Variants in SOD2 observed in about 807,000 individuals in gnomAD.
SOD2 encodes superoxide dismutase 2, also known as superoxide dismutase [Mn], mitochondrial.
In SOD2, 11 loss-of-function variants were observed where a neutral mutation model predicts 27.0. That is an observed-to-expected ratio of 0.41 (90% CI 0.26 to 0.67). The LOEUF (loss-of-function observed/expected upper bound fraction) is 0.67. SOD2 is among the 30% of genes least tolerant of loss of function. SOD2 has a pLI of 0.34. For missense variants in SOD2, 250 were observed against 274.5 expected, an observed-to-expected ratio of 0.91 and a Z score of 0.63; for synonymous variants, 105 against 103.0, an observed-to-expected ratio of 1.02 and a Z score of -0.12.
intron 1 of SOD2, among the ~76,000 whole-genome samples, chr6:159,759,495 C>A (rs1261673431): frequency 6.6e-6 from 1 of 151,466 alleles, no homozygotes; most frequent in Non-Finnish European, 1.5e-5. Context: ...CATGGTGAAA[C>A]CCCGTCTTTA....
intron 1 of SOD2, among the ~76,000 whole-genome samples, chr6:159,732,902 T>TA (rs1234089708): frequency 3.3e-5 from 5 of 150,658 alleles, no homozygotes; most frequent in Non-Finnish European, 7.4e-5. Context: ...TGTGTGTGTG[T>TA]GTGTGTGTGT....
At chr6:159,693,694 C>T (rs5746088), upstream of SOD2, among the ~76,000 whole-genome samples, 5,648 of 152,344 alleles carry the variant, frequency 0.037, 276 homozygotes, top group African/African-American at 0.11. Context: ...TGCAAAAAGA[C>T]ATTCATACCC....
intron 2 of SOD2, 187 bp downstream of exon 2, chr6:159,692,474 C>G: frequency 6.9e-7 from 1 of 1,442,534 alleles, no homozygotes; most frequent in Admixed American, 2.9e-5. Context: ...TCAAACCCAT[C>G]GAGGCACTCC....
rs115082571 is a variant in SOD2 at position 159,683,686 on chromosome 6, G to A, written c.524-1048C>T. ...TTCTAATGTGCTTTCCACAGGGAGA[G>A]GAAGGAGTGTAGCTGGGACTCACTT... On this transcript the variant is annotated intron_variant, in intron 4 of 4. Coordinates refer to ENST00000538183, the MANE Select transcript of SOD2 (RefSeq NM_000636.4). Among the ~76,000 whole-genome samples the A allele has an allele frequency of 1.9e-3, 282 of 152,302 alleles. 1 individual carries two copies. Among genetic ancestry groups the A allele is most frequent in the African/African-American group, 6.7e-3 (278 of 41,568 alleles).
intron 1 of SOD2, chr6:159,713,018 G>C: frequency 1.6e-6 from 1 of 637,466 alleles, no homozygotes; most frequent in African/African-American, 1.8e-5. Context: ...TGCCCTACCA[G>C]TAAACTCTGT....
Position 159,678,894 on chromosome 6 carries a change from A to T in SOD2, c.*3599T>A, listed in dbSNP as rs796381667. ...GTAAAAGTATTGAGTGGTATGTGAC[A>T]ACAGCAAAAACACTTTGGTTTTGTC... On this transcript the variant is annotated 3_prime_UTR_variant, in exon 5 of 5. Transcript: ENST00000538183. The T allele has an allele frequency of 3.3e-5, 5 of 152,360 alleles. No homozygotes were observed. The highest frequency in any genetic ancestry group is 1.2e-4 in the African/African-American group (5 of 41,598). The allele number at this position is 152,360 out of a possible 1,614,324, so 9.4% of individuals were successfully genotyped here.
chr6:159,703,053 G>C (rs572375760), intron 1 of SOD2, among the ~76,000 whole-genome samples: 11 of 152,196 alleles, frequency 7.2e-5, no homozygotes, highest in Non-Finnish European at 1.5e-4. Context: ...GGTGGCTCAC[G>C]CCTGTAATCC....
exon 1 of SOD2, chr6:159,762,051 CA>C (rs1780147355): frequency 6.2e-7 from 1 of 1,609,220 alleles, no homozygotes; most frequent in African/African-American, 1.3e-5. Flanking sequence ...GCCTAGCTTG[CA>C]GGCAGCGCAG....
intron 4 of SOD2, 136 bp from the exon 5 acceptor site, chr6:159,682,774 T>C: frequency 1.3e-6 from 1 of 753,160 alleles, no homozygotes; most frequent in South Asian, 2.9e-5. Flanking sequence ...TTTTTTTATA[T>C]AAGTAGGAAA....
At chr6:159,719,718 T>C (rs999258401) in intron 1 of SOD2, among the ~76,000 whole-genome samples, 4 of 97,926 alleles carry the variant, frequency 4.1e-5, no homozygotes, top group African/African-American at 1.5e-4. Flanking sequence ...ATTATGGTTT[T>C]TTCTTTTATT....
At chr6:159,735,703 C>G (rs1485690906) in intron 1 of SOD2, among the ~76,000 whole-genome samples, 1 of 151,990 alleles carries the variant, frequency 6.6e-6, no homozygotes, top group East Asian at 1.9e-4. Flanking sequence ...GACCTGAGAT[C>G]GCGCCACTGC....
intron 1 of SOD2, among the ~76,000 whole-genome samples, chr6:159,724,242 T>C (rs991836795): frequency 2.6e-5 from 4 of 152,210 alleles, no homozygotes; most frequent in African/African-American, 9.6e-5. Context: ...TCCTCCCGCT[T>C]TGGCCTATCA....
At chr6:159,724,250 T>C (rs555040362) in intron 1 of SOD2, among the ~76,000 whole-genome samples, 5 of 152,276 alleles carry the variant, frequency 3.3e-5, no homozygotes, top group Admixed American at 2.0e-4. Context: ...CTTTGGCCTA[T>C]CAAAGTGCTG....
intron 1 of SOD2, chr6:159,755,013 C>A: frequency 6.3e-7 from 1 of 1,581,606 alleles, no homozygotes; most frequent in Non-Finnish European, 8.6e-7. Flanking sequence ...GTTGGTCTGA[C>A]TCTCCTTTGC....
At chr6:159,689,284 C>T (rs1562422631) in intron 2 of SOD2, among the ~76,000 whole-genome samples, 1 of 152,192 alleles carries the variant, frequency 6.6e-6, no homozygotes, top group South Asian at 2.1e-4. Context: ...TCCTTCAAGT[C>T]TCCACTGAAA....
intron 1 of SOD2, among the ~76,000 whole-genome samples, chr6:159,751,318 C>T (rs1779812286): frequency 6.6e-6 from 1 of 152,148 alleles, no homozygotes; most frequent in South Asian, 2.1e-4. Context: ...GGGGTTAAGT[C>T]AGGTCACAGA....
intron 1 of SOD2, among the ~76,000 whole-genome samples, chr6:159,752,596 C>T (rs1464603279): frequency 2.0e-5 from 3 of 152,246 alleles, no homozygotes; most frequent in Non-Finnish European, 4.4e-5. Flanking sequence ...AATTGTGATA[C>T]GTGACCACTG....
upstream of SOD2, chr6:159,748,306 A>G: frequency 6.2e-7 from 1 of 1,614,100 alleles, no homozygotes; most frequent in South Asian, 1.1e-5. The surrounding 1 kb of genome is among the most constrained non-coding windows in gnomAD (Gnocchi z 5.6). Flanking sequence ...GAACTGGAAC[A>G]GACTAAAGAC....
rs1780148550 is a variant in SOD2, at chr6:159,762,075, CAGG to C, written c.-1377_-1375del. ...GCAGGCAGCGCAGGGCAGACGGCGG[CAGG>C]AGAAGCAAGATGAATGCAGGCTCAG... On this transcript the variant is annotated 5_prime_UTR_variant, in exon 1 of 8. Transcript: ENST00000546087. 8 of 1,612,718 alleles carry C rather than the reference CAGG, an allele frequency of 5.0e-6. No individual in the cohort carries two copies. In the African/African-American group the frequency reaches 8.0e-5, roughly 16 times the overall value.
Sources: allele counts gnomAD v4.1 joint callset (sites outside exome capture counted in the v4.1 genomes callset), GRCh38; gene constraint gnomAD v4.1.1; non-coding constraint Gnocchi (gnomAD v3.1); transcripts MANE v1.5; gene names NCBI Gene and HGNC (gene_info 2026-07-23, HGNC 2026-07-21).